Variants in NWD2 observed in about 807,000 individuals in gnomAD.
NWD2 encodes the protein NACHT and WD repeat domain-containing protein 2.
Under a neutral mutation model 132.7 loss-of-function variants are expected in NWD2, and 37 were observed. That is an observed-to-expected ratio of 0.28 (90% CI 0.21 to 0.37). The LOEUF is 0.37. Ranked by LOEUF, NWD2 falls within the 10% of genes least tolerant of loss-of-function variation. NWD2 has a pLI of 1.00. For missense variants in NWD2, 1,592 were observed against 2,122.4 expected, an observed-to-expected ratio of 0.75 and a Z score of 4.91; for synonymous variants, 705 against 803.0, an observed-to-expected ratio of 0.88 and a Z score of 2.06.
chr4:37,245,164 C>T lies in NWD2; in HGVS notation c.97C>T (p.His33Tyr). Residue 33 changes from histidine (H) to tyrosine (Y), a missense_variant, in exon 1 of 7, where the codon CAC (histidine) becomes TAC (tyrosine). Around this residue, in one of 7 missense-constraint regions of NWD2, gnomAD observed 88 missense variants for 92.8 expected, o/e 0.95. Coordinates refer to ENST00000309447, the MANE Select transcript of NWD2 (RefSeq NM_001144990.2). ...TGGGAACCTCACGGCCCTGCCCTCT[C>T]ACCTCGTGCCCGCCGGCCGCAGCGT... is the stretch of plus-strand genomic sequence containing the variant. ...FSGNLTALPS[H>Y]LVPAGRSVRV... 1 of 1,546,200 alleles carries T rather than the reference C, an allele frequency of 6.5e-7. No homozygotes were observed. The highest frequency in any genetic ancestry group is 8.7e-7 in the Non-Finnish European group (1 of 1,146,314).
chr4:37,285,407 T>G lies in NWD2; in HGVS notation c.151+40189T>G, dbSNP rs115715089. On this transcript the variant is annotated intron_variant, in intron 1 of 6. Transcript: ENST00000309447. ...TATTCTGAAATTTTCTCCCGTATAT[T>G]AAAGTTGGCTGATCTCTAAGGCCTT... Among the ~76,000 whole-genome samples, 299 of 152,194 alleles carry G rather than the reference T, an allele frequency of 2.0e-3. 1 individual carries two copies. The highest frequency in any genetic ancestry group is 6.9e-3 in the African/African-American group (285 of 41,560).
chr4:37,403,679 G>GA (rs1460538796), intron 3 of NWD2, among the ~76,000 whole-genome samples: 1 of 145,422 alleles, frequency 6.9e-6, no homozygotes, highest in Non-Finnish European at 1.5e-5. Context: ...TTTGATAGCA[G>GA]AAAAAAGCGA....
chr4:37,283,153 C>T (rs965879920), intron 1 of NWD2, among the ~76,000 whole-genome samples: 14 of 152,278 alleles, frequency 9.2e-5, no homozygotes, highest in Non-Finnish European at 2.1e-4. Context: ...ATCCAGTCTT[C>T]TGTAACCAAA....
chr4:37,290,308 T>C (rs747496046), intron 1 of NWD2, among the ~76,000 whole-genome samples: 9 of 152,168 alleles, frequency 5.9e-5, no homozygotes, highest in Admixed American at 1.3e-4. Flanking sequence ...ATTAATTATA[T>C]TTTAAAAAAT....
Position 37,430,461 on chromosome 4 carries a change from A to C in NWD2, c.358-111A>C, listed in dbSNP as rs992826525. Reference sequence around the variant, plus strand: ...GACCAAAAGAGAAAACTGATGGAGCAATGTATCTTGTTATCTATTGATTAA... The same window carrying C: ...GACCAAAAGAGAAAACTGATGGAGCCATGTATCTTGTTATCTATTGATTAA... On this transcript the variant is annotated intron_variant, in intron 3 of 6. Coordinates refer to ENST00000309447, the MANE Select transcript of NWD2 (RefSeq NM_001144990.2). 4.0e-6 allele frequency: 3 copies of C among 758,788 alleles called. No homozygotes were observed. In the African/African-American group the frequency reaches 5.3e-5, roughly 13 times the overall value. 47.0% of individuals were successfully genotyped at this position (758,788 alleles called of 1,614,324 possible). A position where few individuals can be genotyped will look rare whatever the true frequency, so the allele number is the denominator to read the frequency against.
At chr4:37,397,961 A>G (rs904902193) in intron 3 of NWD2, among the ~76,000 whole-genome samples, 10 of 152,182 alleles carry the variant, frequency 6.6e-5, no homozygotes, top group African/African-American at 2.4e-4. Context: ...TCTAAATTGA[A>G]AACAGATCTG....
intron 1 of NWD2, among the ~76,000 whole-genome samples, chr4:37,281,163 T>C (rs1468759190): frequency 1.3e-5 from 2 of 152,062 alleles, no homozygotes; most frequent in African/African-American, 4.8e-5. Flanking sequence ...TCAAATGTGA[T>C]CACAAAAGAG....
chr4:37,365,195 A>T (rs1479757), intron 3 of NWD2, among the ~76,000 whole-genome samples: 142,287 of 152,268 alleles, frequency 0.93, 67,240 homozygotes, highest in East Asian at 1. Context: ...CAGTATTTTT[A>T]AAATCACTTA....
At chr4:37,336,952 GAAAAAA>G (rs11371327) in intron 2 of NWD2, among the ~76,000 whole-genome samples, 1 of 119,004 alleles carries the variant, frequency 8.4e-6, no homozygotes, top group Non-Finnish European at 1.7e-5. Context: ...CTCAAAAAAA[GAAAAAA>G]AAAAAAAAAA....
intron 2 of NWD2, 59 bp from the exon 3 acceptor site, chr4:37,356,307 A>G: frequency 1.1e-6 from 1 of 875,766 alleles, no homozygotes; most frequent in East Asian, 2.8e-5. Flanking sequence ...TTAGCTTGAC[A>G]TTGTAAATAA....
At chr4:37,371,909 A>G (rs951481665) in intron 3 of NWD2, among the ~76,000 whole-genome samples, 5 of 152,224 alleles carry the variant, frequency 3.3e-5, no homozygotes, top group African/African-American at 1.2e-4. Flanking sequence ...AGCTGTATTC[A>G]TGGTATAAAC....
At chr4:37,368,314 T>C (rs1720140842) in intron 3 of NWD2, among the ~76,000 whole-genome samples, 1 of 152,188 alleles carries the variant, frequency 6.6e-6, no homozygotes, top group Admixed American at 6.5e-5. Context: ...CTAATTACGA[T>C]GCAAGGTCCA....
chr4:37,309,098 T>C (rs535540675), intron 1 of NWD2, among the ~76,000 whole-genome samples: 35 of 152,256 alleles, frequency 2.3e-4, no homozygotes, highest in African/African-American at 7.9e-4. Context: ...GGTGGGCCAG[T>C]CCTGGGCCCC....
intron 2 of NWD2, 40 bp from the exon 3 acceptor site, chr4:37,356,326 C>A: frequency 9.2e-7 from 1 of 1,082,572 alleles, no homozygotes; most frequent in African/African-American, 1.6e-5. Context: ...AAAAACAAAG[C>A]CCACATGTAA....
At chr4:37,432,364 GAAAA>G (rs71185140) in intron 4 of NWD2, among the ~76,000 whole-genome samples, 2,955 of 138,610 alleles carry the variant, frequency 0.021, 92 homozygotes, top group African/African-American at 0.066. Flanking sequence ...GGGTGAAGAA[GAAAA>G]AAAAAAAAAA....
intron 2 of NWD2, among the ~76,000 whole-genome samples, chr4:37,326,831 A>G (rs981151818): frequency 6.6e-6 from 1 of 152,218 alleles, no homozygotes; most frequent in East Asian, 1.9e-4. Flanking sequence ...AAAATGCACC[A>G]TTGTTAGTGG....
chr4:37,344,339 T>C, intron 2 of NWD2, among the ~76,000 whole-genome samples: 1 of 152,112 alleles, frequency 6.6e-6, no homozygotes, highest in East Asian at 1.9e-4. Context: ...TGTTGCTTGA[T>C]TTTTATCTTT....
At chr4:37,260,096 C>G (rs1432557765) in intron 1 of NWD2, among the ~76,000 whole-genome samples, 1 of 152,206 alleles carries the variant, frequency 6.6e-6, no homozygotes, top group Non-Finnish European at 1.5e-5. Context: ...AGGCTTGTGT[C>G]ACAGCCATTT....
At chr4:37,348,637 CATATATAT>C (rs370439742) in intron 2 of NWD2, among the ~76,000 whole-genome samples, 4,064 of 26,468 alleles carry the variant, frequency 0.15, 360 homozygotes, top group East Asian at 0.3. Context: ...GTGGTTAATT[CATATATAT>C]ATATATATAT....
Sources: allele counts gnomAD v4.1 joint callset (sites outside exome capture counted in the v4.1 genomes callset), GRCh38; gene constraint gnomAD v4.1.1; regional missense constraint gnomAD v4.1.1; transcripts MANE v1.5; gene names NCBI Gene and HGNC (gene_info 2026-07-23, HGNC 2026-07-21).